SAMMSON: variants seen among roughly 807,000 people sequenced by gnomAD.
SAMMSON encodes long intergenic non-protein coding RNA 1212.
intron 4 of SAMMSON, among the ~76,000 whole-genome samples, chr3:70,113,342 T>G (rs886378504): frequency 2.6e-5 from 4 of 152,326 alleles, no homozygotes; most frequent in African/African-American, 9.6e-5. Context: ...ATGCACATAG[T>G]TTTTAAAAGC....
chr3:70,107,167 A>G (rs2067370007), intron 4 of SAMMSON, among the ~76,000 whole-genome samples: 2 of 152,206 alleles, frequency 1.3e-5, no homozygotes, highest in African/African-American at 4.8e-5. Flanking sequence ...ACACACCCAA[A>G]TTAAATGTTA....
chr3:70,339,708 C>T (rs1287642448), intron 7 of SAMMSON, among the ~76,000 whole-genome samples: 1 of 152,088 alleles, frequency 6.6e-6, no homozygotes, highest in Non-Finnish European at 1.5e-5. Context: ...AACGAGATAC[C>T]ATCTCACACC....
Position 70,103,994 on chromosome 3 carries a change from CTTT to C in SAMMSON, n.507+32443_507+32445del, listed in dbSNP as rs11357634. On this transcript the variant is annotated intron_variant and non_coding_transcript_variant, in intron 4 of 9. Transcript: ENST00000642114. ...AGCATGTTCTATTGATTCATTTAAG[CTTT>C]TTTTTTTTTTTTTCCTATCATAGAT... Among the ~76,000 whole-genome samples the C allele has an allele frequency of 1.0e-3, 142 of 138,714 alleles. 4 individuals are homozygous for C. In the South Asian group the frequency reaches 0.03, roughly 30 times the overall value. The allele number at this position is 138,714 out of a possible 152,430, so 91.0% of individuals were successfully genotyped here. A position where few individuals can be genotyped will look rare whatever the true frequency, so the allele number is the denominator to read the frequency against.
chr3:70,283,419 C>T (rs2049222), intron 6 of SAMMSON, among the ~76,000 whole-genome samples: 31,466 of 151,936 alleles, frequency 0.21, 3,452 homozygotes, highest in South Asian at 0.28. Context: ...TGAAATTCTC[C>T]CTGGATACTG....
chr3:70,160,748 T>A (rs928830731), intron 4 of SAMMSON, among the ~76,000 whole-genome samples: 1 of 152,058 alleles, frequency 6.6e-6, no homozygotes, highest in Non-Finnish European at 1.5e-5. Flanking sequence ...CTGATGAAAA[T>A]TTGAAAAGTA....
intron 1 of SAMMSON, among the ~76,000 whole-genome samples, chr3:70,010,253 G>A (rs561614843): frequency 8.2e-4 from 125 of 151,938 alleles, no homozygotes; most frequent in African/African-American, 2.4e-3. Flanking sequence ...AAAGTCTCCC[G>A]TTATTATTGT....
intron 6 of SAMMSON, among the ~76,000 whole-genome samples, chr3:70,288,038 T>A (rs1393680810): frequency 6.6e-6 from 1 of 150,802 alleles, no homozygotes; most frequent in Non-Finnish European, 1.5e-5. Context: ...TTTTGAAGGG[T>A]TTTTTGTGTC....
intron 7 of SAMMSON, among the ~76,000 whole-genome samples, chr3:70,347,731 A>C (rs943468105): frequency 4.1e-4 from 62 of 152,288 alleles, no homozygotes; most frequent in Admixed American, 3.3e-4. Flanking sequence ...AGCAATACAC[A>C]TCAGAAATAA....
intron 4 of SAMMSON, among the ~76,000 whole-genome samples, chr3:70,181,582 T>C (rs1701053507): frequency 1.3e-5 from 2 of 152,200 alleles, no homozygotes; most frequent in Admixed American, 1.3e-4. Flanking sequence ...GTTGTTGAAC[T>C]GAGTAGAATA....
At chr3:70,288,006 C>A (rs1702186184) in intron 6 of SAMMSON, among the ~76,000 whole-genome samples, 2 of 152,022 alleles carry the variant, frequency 1.3e-5, no homozygotes, top group South Asian at 2.1e-4. Flanking sequence ...TTTCAAAAAA[C>A]CAGCTCCTGG....
At chr3:70,056,417 C>T (rs1302345926) in intron 3 of SAMMSON, among the ~76,000 whole-genome samples, 3 of 152,020 alleles carry the variant, frequency 2.0e-5, no homozygotes, top group Non-Finnish European at 2.9e-5. Flanking sequence ...TTCTTAAGAA[C>T]TGTATCTGTT....
At chr3:70,305,827 C>T (rs1702394436) in intron 7 of SAMMSON, among the ~76,000 whole-genome samples, 1 of 152,162 alleles carries the variant, frequency 6.6e-6, no homozygotes, top group African/African-American at 2.4e-5. Context: ...TATTTGAACA[C>T]AAACATGAAA....
At position 70,237,979 on chromosome 3, in the gene SAMMSON, C is replaced by CTTTTTTTTTTTTTTTT. The variant is rs71672662; in HGVS notation, n.508-11117_508-11102dup. 2.8e-3 allele frequency among the ~76,000 whole-genome samples: 137 copies of CTTTTTTTTTTTTTTTT among 48,942 alleles called. 40 individuals carry two copies. The highest frequency in any genetic ancestry group is 0.016 in the East Asian group (16 of 994). 32.1% of individuals were successfully genotyped at this position (48,942 alleles called of 152,430 possible). On this transcript the variant is annotated intron_variant and non_coding_transcript_variant, in intron 4 of 9. Transcript: ENST00000642114. ...GGAAAAGAAACTAATTGAGTGGTAT[C>CTTTTTTTTTTTTTTTT]TTTTTTTTTTTTTTTTTTTTTTTTT...
chr3:70,424,828 C>T (rs1701343712), intron 2 of SAMMSON: 1 of 152,160 alleles, frequency 6.6e-6, no homozygotes, highest in African/African-American at 2.4e-5. Context: ...GGCTTCTACC[C>T]ACTACATGCC....
intron 2 of SAMMSON, among the ~76,000 whole-genome samples, chr3:70,429,147 G>A (rs1701393861): frequency 6.6e-6 from 1 of 152,006 alleles, no homozygotes; most frequent in South Asian, 2.1e-4. Flanking sequence ...TTTGTATAAG[G>A]TATAAGAAAG....
At chr3:70,315,988 T>C (rs1702491716) in intron 7 of SAMMSON, among the ~76,000 whole-genome samples, 1 of 152,176 alleles carries the variant, frequency 6.6e-6, no homozygotes, top group South Asian at 2.1e-4. Flanking sequence ...AGGTTTCTTC[T>C]TAAAGTCTGC....
chr3:70,372,218 T>C (rs1055693699), intron 9 of SAMMSON, among the ~76,000 whole-genome samples: 3 of 152,130 alleles, frequency 2.0e-5, no homozygotes, highest in African/African-American at 7.2e-5. Context: ...TCTGCATCAA[T>C]TGATATGATT....
chr3:70,432,686 A>G (rs933939831), intron 2 of SAMMSON, among the ~76,000 whole-genome samples: 1 of 152,020 alleles, frequency 6.6e-6, no homozygotes, highest in Non-Finnish European at 1.5e-5. Flanking sequence ...CATGGTTTAC[A>G]TTAGGGTTCA....
chr3:70,084,767 A>C (rs2106643164), intron 4 of SAMMSON: 1 of 152,318 alleles, frequency 6.6e-6, no homozygotes, highest in Admixed American at 6.5e-5. Context: ...TCTATTCAGC[A>C]CCTACTGTGT....
Sources: allele counts gnomAD v4.1 joint callset (sites outside exome capture counted in the v4.1 genomes callset), GRCh38; gene constraint gnomAD v4.1.1; transcripts MANE v1.5; gene names NCBI Gene and HGNC (gene_info 2026-07-23, HGNC 2026-07-21).